ESR1: variants seen among roughly 807,000 people sequenced by gnomAD.
ESR1 encodes estrogen receptor 1.
In ESR1, 12 loss-of-function variants were observed where a neutral mutation model predicts 52.7. That is an observed-to-expected ratio of 0.23 (90% CI 0.15 to 0.37). The LOEUF is 0.37. ESR1 is among the 10% of genes least tolerant of loss of function. The pLI is 1.00. For synonymous variants in ESR1, 305 were observed against 316.8 expected (o/e 0.96, Z 0.39); for missense variants, 584 against 779.7 (o/e 0.75, Z 2.99).
intron 2 of ESR1, among the ~76,000 whole-genome samples, chr6:151,765,151 G>T (rs1784950635): frequency 6.6e-6 from 1 of 151,890 alleles, no homozygotes; most frequent in African/African-American, 2.4e-5. Context: ...ACATTCTTTT[G>T]GCTTTGTACT....
At chr6:151,815,002 A>G (rs992417906) in intron 1 of ESR1, among the ~76,000 whole-genome samples, 1 of 152,236 alleles carries the variant, frequency 6.6e-6, no homozygotes, top group African/African-American at 2.4e-5. Context: ...ATCAACAAAA[A>G]CAAAAACACT....
intron 1 of ESR1, among the ~76,000 whole-genome samples, chr6:151,679,612 C>T (rs1778380721): frequency 6.6e-6 from 1 of 152,198 alleles, no homozygotes; most frequent in African/African-American, 2.4e-5. Context: ...GCCTCAGCCT[C>T]CCAAGAGCTC....
chr6:151,796,922 T>C (rs997333917), intron 2 of ESR1, among the ~76,000 whole-genome samples: 7 of 152,202 alleles, frequency 4.6e-5, no homozygotes, highest in Admixed American at 4.6e-4. Flanking sequence ...CTAGTTCCCT[T>C]GGCCAACCAC....
chr6:151,722,644 C>G (rs1293501956), intron 2 of ESR1, among the ~76,000 whole-genome samples: 1 of 152,176 alleles, frequency 6.6e-6, no homozygotes, highest in Non-Finnish European at 1.5e-5. Flanking sequence ...GGGGCAAAAT[C>G]CTATTAAAAG....
At chr6:151,882,841 A>G (rs554804533) in intron 3 of ESR1, among the ~76,000 whole-genome samples, 19 of 152,278 alleles carry the variant, frequency 1.2e-4, no homozygotes, top group African/African-American at 3.4e-4. Context: ...TAATCTAACA[A>G]AAATTCATAT....
chr6:152,037,187 T>C (rs1016365462), intron 5 of ESR1, among the ~76,000 whole-genome samples: 12 of 152,046 alleles, frequency 7.9e-5, no homozygotes, highest in Admixed American at 5.9e-4. Context: ...GTTCTATCCG[T>C]ATGGTCGGGC....
chr6:152,010,418 A>G (rs572544014), intron 4 of ESR1, among the ~76,000 whole-genome samples: 2 of 152,196 alleles, frequency 1.3e-5, no homozygotes, highest in South Asian at 2.1e-4. Flanking sequence ...CATACACTCA[A>G]CAGGATTCCT....
chr6:151,878,934 G>C (rs952747166), intron 2 of ESR1, among the ~76,000 whole-genome samples: 9 of 152,168 alleles, frequency 5.9e-5, no homozygotes. Flanking sequence ...CCTGTGGGCA[G>C]CTGGACATAT....
At chr6:151,862,135 A>G (rs1396344220) in intron 2 of ESR1, among the ~76,000 whole-genome samples, 3 of 152,154 alleles carry the variant, frequency 2.0e-5, no homozygotes, top group Non-Finnish European at 1.5e-5. Context: ...CATCTCATTT[A>G]ATCCTCCATA....
At chr6:151,862,801 G>A (rs372468080) in intron 2 of ESR1, among the ~76,000 whole-genome samples, 2 of 152,262 alleles carry the variant, frequency 1.3e-5, no homozygotes, top group South Asian at 4.2e-4. Context: ...CAAGGTTCTA[G>A]TGGTGAAGTT....
At chr6:151,870,469 A>G (rs1368686395) in intron 2 of ESR1, among the ~76,000 whole-genome samples, 1 of 152,210 alleles carries the variant, frequency 6.6e-6, no homozygotes, top group Non-Finnish European at 1.5e-5. Context: ...TTGTTCAGTC[A>G]TCGTCAAGTT....
intron 1 of ESR1, among the ~76,000 whole-genome samples, chr6:151,822,555 C>T (rs918409418): frequency 6.6e-6 from 1 of 152,126 alleles, no homozygotes; most frequent in Non-Finnish European, 1.5e-5. Context: ...TATTTCTTCT[C>T]CTTGGGAGAT....
intron 1 of ESR1, among the ~76,000 whole-genome samples, chr6:151,838,156 T>C (rs1783689867): frequency 6.6e-6 from 1 of 152,206 alleles, no homozygotes; most frequent in Non-Finnish European, 1.5e-5. Context: ...TGAGCCAATG[T>C]GCCCAGCAAG....
At chr6:151,971,702 G>A (rs1007656173) in intron 4 of ESR1, among the ~76,000 whole-genome samples, 3 of 152,076 alleles carry the variant, frequency 2.0e-5, no homozygotes, top group Non-Finnish European at 4.4e-5. Context: ...ACATCAAAAA[G>A]TCTGAAAGAG....
At chr6:151,880,283 A>C (rs1282595056) in intron 2 of ESR1, among the ~76,000 whole-genome samples, 1 of 147,368 alleles carries the variant, frequency 6.8e-6, no homozygotes, top group Non-Finnish European at 1.5e-5. Flanking sequence ...CCCGGGTTCA[A>C]GCGATTCTCC....
intron 2 of ESR1, among the ~76,000 whole-genome samples, chr6:151,861,868 T>A (rs1330285995): frequency 6.6e-6 from 1 of 152,168 alleles, no homozygotes; most frequent in African/African-American, 2.4e-5. Flanking sequence ...ACCAAGTGTT[T>A]TGCATGATTT....
intron 5 of ESR1, among the ~76,000 whole-genome samples, chr6:152,017,638 A>C (rs755637487): frequency 6.6e-6 from 1 of 152,042 alleles, no homozygotes; most frequent in Admixed American, 6.6e-5. Flanking sequence ...GTCTACTAGG[A>C]ATGCCTCTCT....
chr6:151,928,427 G>C (rs879693328), intron 3 of ESR1, among the ~76,000 whole-genome samples: 14 of 152,138 alleles, frequency 9.2e-5, no homozygotes, highest in Admixed American at 2.0e-4. Flanking sequence ...CATTAAGTGA[G>C]AGTATTGTTC....
intron 2 of ESR1, among the ~76,000 whole-genome samples, chr6:151,763,507 CT>C (rs943532297): frequency 1.1e-4 from 17 of 152,156 alleles, no homozygotes; most frequent in East Asian, 1.9e-4. Flanking sequence ...ATATGTGCGT[CT>C]TTTTTTTCCC....
Sources: gnomAD v4.1 joint callset for allele counts (sites outside exome capture counted in the v4.1 genomes callset) on GRCh38, gnomAD v4.1.1 for gene constraint, MANE v1.5 for transcripts, NCBI Gene and HGNC (gene_info 2026-07-23, HGNC 2026-07-21) for gene names.